The following DNER variants were observed in gnomAD, a reference collection of about 807,000 sequenced individuals.
DNER encodes the protein delta/notch like EGF repeat containing, also known as delta and Notch-like epidermal growth factor-related receptor.
In DNER, 33 loss-of-function variants were observed where a neutral mutation model predicts 78.2. The ratio of observed to expected loss-of-function variants is 0.42; its 90% CI spans 0.32 to 0.56. The LOEUF (loss-of-function observed/expected upper bound fraction) is 0.56. Among genes scored for constraint, DNER ranks in the 20% least tolerant of loss-of-function variants. The pLI is 0.11. For missense variants in DNER, 918 were observed against 975.3 expected, an observed-to-expected ratio of 0.94 and a Z score of 0.78; for synonymous variants, 417 against 384.8, an observed-to-expected ratio of 1.08 and a Z score of -0.98.
At chr2:229,433,292 C>T (rs1478742876) in intron 8 of DNER, among the ~76,000 whole-genome samples, 3 of 152,080 alleles carry the variant, frequency 2.0e-5, no homozygotes, top group Non-Finnish European at 2.9e-5. Flanking sequence ...CTAATCCAAC[C>T]GCAAAACATA....
At chr2:229,537,100 C>G (rs1000895297) in intron 5 of DNER, among the ~76,000 whole-genome samples, 1 of 151,816 alleles carries the variant, frequency 6.6e-6, no homozygotes, top group Non-Finnish European at 1.5e-5. Context: ...GCATTGCTTG[C>G]GTAGCATCTC....
chr2:229,390,308 G>C (rs1354957795), intron 10 of DNER, among the ~76,000 whole-genome samples: 2 of 152,228 alleles, frequency 1.3e-5, no homozygotes, highest in East Asian at 3.8e-4. Flanking sequence ...GCCTCACTCT[G>C]CTTCACGAAG....
chr2:229,656,707 T>A (rs1698918267), intron 1 of DNER, among the ~76,000 whole-genome samples: 1 of 152,206 alleles, frequency 6.6e-6, no homozygotes. Flanking sequence ...CCTAGACACT[T>A]ACTCATTCAT....
At chr2:229,518,354 C>T (rs1574881545) in intron 5 of DNER, among the ~76,000 whole-genome samples, 1 of 152,260 alleles carries the variant, frequency 6.6e-6, no homozygotes, top group Middle Eastern at 3.4e-3. Context: ...TGGTGAAGGT[C>T]GAAAGGACAC....
intron 6 of DNER, among the ~76,000 whole-genome samples, chr2:229,481,281 CCAGGGAGTTACTAGTTGGCAGTCCCAAGA>C (rs1695153738): frequency 6.6e-6 from 1 of 152,168 alleles, no homozygotes; most frequent in Non-Finnish European, 1.5e-5. Context: ...TTCTTGGCCT[CCAGGGAGTTACTAGTTGGCAGTCCCAAGA>C]GTACCATCAT....
intron 5 of DNER, among the ~76,000 whole-genome samples, chr2:229,516,642 T>A (rs1695977398): frequency 6.6e-6 from 1 of 151,938 alleles, no homozygotes; most frequent in Non-Finnish European, 1.5e-5. Context: ...ACTTTCTCAG[T>A]CAGTCAGCTG....
chr2:229,611,922 G>A (rs751921996), intron 1 of DNER, among the ~76,000 whole-genome samples: 9 of 152,156 alleles, frequency 5.9e-5, no homozygotes, highest in Non-Finnish European at 1.2e-4. Context: ...CCTTTTCTTC[G>A]ATATGCAGGT....
At chr2:229,386,734 A>G (rs553023849) in intron 11 of DNER, among the ~76,000 whole-genome samples, 1 of 152,378 alleles carries the variant, frequency 6.6e-6, no homozygotes, top group African/African-American at 2.4e-5. Flanking sequence ...AAAGCTCATC[A>G]TCACTGGTCA....
intron 6 of DNER, among the ~76,000 whole-genome samples, chr2:229,511,893 C>T (rs1695869388): frequency 6.6e-6 from 1 of 152,204 alleles, no homozygotes; most frequent in Non-Finnish European, 1.5e-5. Flanking sequence ...TCCCTGATTA[C>T]ATAAAGCATA....
At chr2:229,559,980 A>T (rs1696925356) in intron 4 of DNER, among the ~76,000 whole-genome samples, 1 of 152,176 alleles carries the variant, frequency 6.6e-6, no homozygotes, top group African/African-American at 2.4e-5. Flanking sequence ...TAAAACCAAG[A>T]CTTTGCCAAG....
chr2:229,511,926 C>A (rs1031395425), intron 6 of DNER, among the ~76,000 whole-genome samples: 1 of 152,238 alleles, frequency 6.6e-6, no homozygotes, highest in African/African-American at 2.4e-5. Flanking sequence ...CAAATGAGAT[C>A]TTGAAGCTGC....
chr2:229,594,614 A>AACAAAT (rs199655615), intron 1 of DNER, among the ~76,000 whole-genome samples: 126,500 of 149,698 alleles, frequency 0.85, 54,080 homozygotes, highest in East Asian at 0.95. Flanking sequence ...CAAACAAACA[A>AACAAAT]AAAAAAAAAC....
At chr2:229,582,608 G>A (rs1697420808) in intron 4 of DNER, among the ~76,000 whole-genome samples, 1 of 152,064 alleles carries the variant, frequency 6.6e-6, no homozygotes, top group African/African-American at 2.4e-5. Flanking sequence ...AGTATAATTT[G>A]GGGAAAAGAA....
rs112807997 is a variant in DNER at position 229,704,769 on chromosome 2, G to A, written c.276+9379C>T. Among the ~76,000 whole-genome samples, 195 of 152,318 alleles carry A rather than the reference G, an allele frequency of 1.3e-3. 2 individuals are homozygous for A. The highest frequency in any genetic ancestry group is 2.0e-3 in the Non-Finnish European group (137 of 68,026). On this transcript the variant is annotated intron_variant, in intron 1 of 12. Transcript: ENST00000341772. ...AATGCATAGAAATGAATGCCAAGAA[G>A]AGTGAATTTTACTGTATGTAAATTA... is the stretch of plus-strand genomic sequence containing the variant.
rs749764199 is a variant in DNER at position 229,375,804 on chromosome 2, C to T, written c.1856-8685G>A. Among the ~76,000 whole-genome samples, 153 of 152,112 alleles carry T rather than the reference C, an allele frequency of 1.0e-3. 3 individuals carry two copies. The highest frequency in any genetic ancestry group is 2.8e-4 in the Non-Finnish European group (19 of 68,032). On this transcript the variant is annotated intron_variant, in intron 11 of 12. Coordinates refer to ENST00000341772, the MANE Select transcript of DNER (RefSeq NM_139072.4). ...TGACTCCCAAGCTTAAATGTTGCAG[C>T]CTAATCCATACAGTTAGGCTTTGTG...
intron 6 of DNER, among the ~76,000 whole-genome samples, chr2:229,480,089 T>C (rs1054413955): frequency 1.3e-4 from 20 of 152,198 alleles, no homozygotes; most frequent in Admixed American, 8.5e-4. Flanking sequence ...AATGCAGGAC[T>C]CTGTGAACTT....
At chr2:229,537,911 T>C (rs755526352) in intron 5 of DNER, among the ~76,000 whole-genome samples, 2 of 152,210 alleles carry the variant, frequency 1.3e-5, no homozygotes, top group Admixed American at 1.3e-4. Context: ...GATTCAAATA[T>C]GTGATTGCAT....
Position 229,588,530 on chromosome 2 carries a change from T to C in DNER, c.586-42A>G, listed in dbSNP as rs991634749. The C allele has an allele frequency of 1.9e-6, 3 of 1,574,554 alleles. No homozygotes were observed. In the African/African-American group the frequency reaches 4.1e-5, roughly 21 times the overall value. On this transcript the variant is annotated intron_variant, in intron 2 of 12. Transcript: ENST00000341772. The stretch of plus-strand genomic sequence containing the variant: ...AAAACGACATATGATTGGGGTTGTT[T>C]ATAGTATAACATAATGTGATAAAGC...
chr2:229,557,433 T>C (rs1696872400), intron 4 of DNER, among the ~76,000 whole-genome samples: 1 of 152,186 alleles, frequency 6.6e-6, no homozygotes, highest in Non-Finnish European at 1.5e-5. Flanking sequence ...ACCAGTAAAG[T>C]AGCAGTGAGA....
Sources: allele counts gnomAD v4.1 joint callset (sites outside exome capture counted in the v4.1 genomes callset), GRCh38; gene constraint gnomAD v4.1.1; transcripts MANE v1.5; gene names NCBI Gene and HGNC (gene_info 2026-07-23, HGNC 2026-07-21).